NMUR2: variants seen among roughly 807,000 people sequenced by gnomAD.
NMUR2 encodes the protein neuromedin U receptor 2, also known as neuromedin-U receptor 2.
NMUR2 carries 24 observed loss-of-function variants against 25.1 expected under a neutral mutation model. The observed-to-expected ratio is 0.96, with a 90% CI of 0.69 to 1.34. The LOEUF (loss-of-function observed/expected upper bound fraction) is 1.34, where lower values mean the gene tolerates loss of function less well. NMUR2 is among the 40% of genes most tolerant of loss of function. The pLI is 0.00. For synonymous variants in NMUR2, 218 were observed against 208.1 expected, an observed-to-expected ratio of 1.05 and a Z score of -0.41; for missense variants, 533 against 512.8, an observed-to-expected ratio of 1.04 and a Z score of -0.38.
In NMUR2 at chr5:152,397,012, G is replaced by GTTTTTTTTTTTTTTTTTTTTT. The variant is rs769998163; in HGVS notation, c.811+1047_811+1048insAAAAAAAAAAAAAAAAAAAAA. Among the ~76,000 whole-genome samples, 23 of 105,724 alleles carry GTTTTTTTTTTTTTTTTTTTTT rather than the reference G, an allele frequency of 2.2e-4. 1 individual carries two copies. Among genetic ancestry groups the GTTTTTTTTTTTTTTTTTTTTT allele is most frequent in the Middle Eastern group, 5.5e-3 (1 of 182 alleles). 69.4% of individuals were successfully genotyped at this position (105,724 alleles called of 152,430 possible). A position where few individuals can be genotyped will look rare whatever the true frequency, so the allele number is the denominator to read the frequency against. On this transcript the variant is annotated intron_variant, in intron 2 of 3. Transcript: ENST00000255262. ...TGACTTTAATATGAGTGAGCTTCAT[G>GTTTTTTTTTTTTTTTTTTTTT]TTTTTTTTTTTTTTTTTTTGTGAGA...
intron 1 of NMUR2, among the ~76,000 whole-genome samples, chr5:152,398,467 G>C (rs541974364): frequency 7.2e-5 from 11 of 152,182 alleles, no homozygotes; most frequent in African/African-American, 2.2e-4. Flanking sequence ...AGTTAGAAAG[G>C]CTTCTCAATT....
At chr5:152,401,427 G>A (rs959260685) in intron 1 of NMUR2, among the ~76,000 whole-genome samples, 4 of 152,194 alleles carry the variant, frequency 2.6e-5, no homozygotes, top group Admixed American at 2.0e-4. Flanking sequence ...TATACTGCCT[G>A]AAATCACTCT....
intron 3 of NMUR2, among the ~76,000 whole-genome samples, chr5:152,393,771 G>A (rs1001900930): frequency 4.6e-5 from 7 of 152,112 alleles, no homozygotes; most frequent in African/African-American, 1.7e-4. Flanking sequence ...AGTGGGGGGT[G>A]ATTGAACTCT....
chr5:152,401,298 T>C (rs1263798654), intron 1 of NMUR2, among the ~76,000 whole-genome samples: 1 of 152,220 alleles, frequency 6.6e-6, no homozygotes, highest in Non-Finnish European at 1.5e-5. Context: ...GTGATTACCA[T>C]TACTATATAG....
At chr5:152,404,271 T>A in intron 1 of NMUR2, 117 bp downstream of exon 1, 1 of 1,259,452 alleles carries the variant, frequency 7.9e-7, no homozygotes, top group Non-Finnish European at 1.1e-6. Flanking sequence ...GCTCATTCTA[T>A]TTTCCCTCTG....
At chr5:152,402,507 A>G (rs1753274537) in intron 1 of NMUR2, among the ~76,000 whole-genome samples, 1 of 152,174 alleles carries the variant, frequency 6.6e-6, no homozygotes, top group South Asian at 2.1e-4. Flanking sequence ...GGTGGTTTTT[A>G]AACTTTTGTC....
chr5:152,405,044 T>C lies in NMUR2; in HGVS notation c.70A>G (p.Lys24Glu). 6.2e-7 allele frequency: 1 copy of C among 1,614,002 alleles called. No individual in the cohort carries two copies. The highest frequency in any genetic ancestry group is 1.1e-5 in the South Asian group (1 of 91,076). The change falls in exon 1 of 4, where the codon AAA (lysine) becomes GAA (glutamate). Residue 24 changes from lysine to glutamate, a missense_variant. Physicochemically the swap from Lys to Glu is moderately conservative, Grantham distance 56. Coordinates refer to ENST00000255262, the MANE Select transcript of NMUR2 (RefSeq NM_020167.5). ...YQQKLEDPFQKHLNSTEEYLA... is the reference protein window; with the variant it reads ...YQQKLEDPFQEHLNSTEEYLA... ...TACTCCTCGGTGCTGTTCAGGTGTT[T>C]CTGGAATGGATCTTCTAGTTTCTGC...
chr5:152,398,171 TAGTA>T, intron 1 of NMUR2, 27 bp from the exon 2 acceptor site: 1 of 1,528,412 alleles, frequency 6.5e-7, no homozygotes, highest in Non-Finnish European at 9.0e-7. Context: ...TTGGGAGAGA[TAGTA>T]AGAAAGAGAA....
chr5:152,397,594 C>CTT (rs1753181812), intron 2 of NMUR2, among the ~76,000 whole-genome samples: 1 of 125,512 alleles, frequency 8.0e-6, no homozygotes, highest in African/African-American at 2.8e-5. Flanking sequence ...CATATTTGTT[C>CTT]ATTTTTTTTT....
chr5:152,392,095 C>A lies in NMUR2; in HGVS notation c.*96G>T. On this transcript the variant is annotated 3_prime_UTR_variant, in exon 4 of 4. Transcript: ENST00000255262. The stretch of plus-strand genomic sequence containing the variant: ...CAATGGGTACATGAGTTGTAAGAGC[C>A]ATTCTACCTCTCTAATATCATATGA... 9.6e-7 allele frequency: 1 copy of A among 1,045,746 alleles called. No homozygotes were observed. The highest frequency in any genetic ancestry group is 1.4e-6 in the Non-Finnish European group (1 of 708,682). 64.8% of individuals were successfully genotyped at this position (1,045,746 alleles called of 1,614,324 possible).
At chr5:152,403,970 G>T (rs1185604935) in intron 1 of NMUR2, among the ~76,000 whole-genome samples, 4 of 152,092 alleles carry the variant, frequency 2.6e-5, no homozygotes, top group African/African-American at 4.8e-5. Context: ...AGTGACAACA[G>T]GATGTGGAGA....
At chr5:152,403,976 G>A (rs1458163050) in intron 1 of NMUR2, among the ~76,000 whole-genome samples, 2 of 151,986 alleles carry the variant, frequency 1.3e-5, no homozygotes, top group Non-Finnish European at 2.9e-5. Context: ...AACAGGATGT[G>A]GAGAAGTCTC....
intron 2 of NMUR2, among the ~76,000 whole-genome samples, chr5:152,397,484 A>T (rs1466799380): frequency 6.6e-6 from 1 of 152,168 alleles, no homozygotes; most frequent in African/African-American, 2.4e-5. Context: ...GATGCTTGCC[A>T]GATGTTCTTA....
chr5:152,405,240 A>G lies in NMUR2; in HGVS notation c.-127T>C. The G allele has an allele frequency of 8.6e-7, 1 of 1,165,850 alleles. No homozygotes were observed. The highest frequency in any genetic ancestry group is 1.2e-6 in the Non-Finnish European group (1 of 841,498). 72.2% of individuals were successfully genotyped at this position (1,165,850 alleles called of 1,614,324 possible). A position where few individuals can be genotyped will look rare whatever the true frequency, so the allele number is the denominator to read the frequency against. On this transcript the variant is annotated 5_prime_UTR_variant, in exon 1 of 4. Transcript: ENST00000255262. ...AGTCACGAAAGTCACAGGCTTCGTA[A>G]GGAAGGCTGGGAGAGAGTGAGTGTT...
In NMUR2 at chr5:152,405,110, A is replaced by G. The variant is rs1408925282; in HGVS notation, c.4T>C (p.Ser2Pro). 6.2e-7 allele frequency: 1 copy of G among 1,605,120 alleles called. No homozygotes were observed. The highest frequency in any genetic ancestry group is 2.2e-5 in the East Asian group (1 of 44,712). M[S>P]GMEKLQNASW... ...GCATTCTGAAGTTTTTCCATCCCTG[A>G]CATTAAAATCCAAGGCCTGAGCCTC... is the stretch of plus-strand genomic sequence containing the variant. The change falls in exon 1 of 4, where the codon TCA becomes CCA. Residue 2 changes from serine (S) to proline (P), a missense_variant. Ser to Pro is a moderately conservative substitution (Grantham distance 74). Transcript: ENST00000255262.
chr5:152,398,955 A>C (rs989075824), intron 1 of NMUR2, among the ~76,000 whole-genome samples: 2 of 152,186 alleles, frequency 1.3e-5, no homozygotes, highest in African/African-American at 4.8e-5. Context: ...AGCTATCAAC[A>C]CTACTTGTAT....
At chr5:152,398,417 G>C (rs1175421064) in intron 1 of NMUR2, among the ~76,000 whole-genome samples, 1 of 152,154 alleles carries the variant, frequency 6.6e-6, no homozygotes, top group Non-Finnish European at 1.5e-5. Context: ...CATGTTAATA[G>C]GTGTTCCATG....
In NMUR2 at chr5:152,392,377, G is replaced by A. The variant is rs775476877; in HGVS notation, c.1062C>T (p.Asp354=). The A allele has an allele frequency of 1.2e-6, 2 of 1,614,066 alleles. No individual in the cohort carries two copies. The highest frequency in any genetic ancestry group is 4.5e-5 in the East Asian group (2 of 44,882). Residue 354 remains aspartate, a synonymous_variant, in exon 4 of 4, where the codon GAC becomes GAT. Transcript: ENST00000255262. The part of the protein sequence containing the change: ...SFHKQWHSQH[D]PQLPPAQRNI... The stretch of plus-strand genomic sequence containing the variant: ...TCCGCTGGGCAGGTGGCAACTGTGG[G>A]TCATGCTGGGAGTGCCACTGTTTGT...
In NMUR2 at chr5:152,398,202, T is replaced by A. The variant is rs921417441; in HGVS notation, c.727-58A>T. ...GAAAGAGAAACATTTTTCCTCCTGT[T>A]AAAATCTGAGAAACATAACTCAAAC... On this transcript the variant is annotated intron_variant, in intron 1 of 3. Coordinates refer to ENST00000255262, the MANE Select transcript of NMUR2 (RefSeq NM_020167.5). The A allele has an allele frequency of 2.4e-6, 3 of 1,262,680 alleles. No individual in the cohort carries two copies. The Admixed American group carries it at 5.5e-5, about 23-fold the overall frequency. 78.2% of individuals were successfully genotyped at this position (1,262,680 alleles called of 1,614,324 possible).
Sources: gnomAD v4.1 joint callset for allele counts (sites outside exome capture counted in the v4.1 genomes callset) on GRCh38, gnomAD v4.1.1 for gene constraint, MANE v1.5 for transcripts, NCBI Gene and HGNC (gene_info 2026-07-23, HGNC 2026-07-21) for gene names.